GTF3C3: variants seen among roughly 807,000 people sequenced by gnomAD.
GTF3C3 encodes general transcription factor IIIC subunit 3, also known as general transcription factor 3C polypeptide 3.
Under a neutral mutation model 105.2 loss-of-function variants are expected in GTF3C3, and 75 were observed. The ratio of observed to expected loss-of-function variants is 0.71; its 90% confidence interval spans 0.59 to 0.86. The LOEUF is 0.86. Among genes scored for constraint, GTF3C3 ranks in the 40% least tolerant of loss-of-function variants. GTF3C3 has a pLI of 0.00. For missense variants in GTF3C3, 856 were observed against 1,076.5 expected, an observed-to-expected ratio of 0.80 and a Z score of 2.87; for synonymous variants, 335 against 370.4, an observed-to-expected ratio of 0.90 and a Z score of 1.10.
rs1488393777 is a variant in GTF3C3, at chr2:196,775,138, C to T, written c.1809G>A (p.Glu603=). The T allele has an allele frequency of 1.2e-6, 2 of 1,612,874 alleles. No homozygotes were observed. The highest frequency in any genetic ancestry group is 1.1e-5 in the South Asian group (1 of 90,976). ...RDKISDSNDQ[E]SANCDAKAIF... ...TACCTTTTGCATCACAATTTGCTGA[C>T]TCTTGGTCATTGCTGTCTGATATTT... The change falls in exon 13 of 18, where the codon GAG becomes GAA. Residue 603 remains glutamate (E), a synonymous_variant. Transcript: ENST00000263956.
Position 196,764,407 on chromosome 2 carries a change from C to T in GTF3C3, c.*156G>A. 1 of 663,242 alleles carries T rather than the reference C, an allele frequency of 1.5e-6. No individual in the cohort carries two copies. Among genetic ancestry groups the T allele is most frequent in the Non-Finnish European group, 2.3e-6 (1 of 427,856 alleles). The allele number at this position is 663,242 out of a possible 1,614,324, so 41.1% of individuals were successfully genotyped here. On this transcript the variant is annotated 3_prime_UTR_variant, in exon 18 of 18. Coordinates refer to ENST00000263956, the MANE Select transcript of GTF3C3 (RefSeq NM_012086.5). ...TAGGAATAATTTTGCATATATACCA[C>T]AAGATCATTATCACATATTAAAAAT...
Position 196,776,321 on chromosome 2 carries a change from C to G in GTF3C3, c.1593+106G>C. 1 of 965,586 alleles carries G rather than the reference C, an allele frequency of 1.0e-6. No homozygotes were observed. Among genetic ancestry groups the G allele is most frequent in the Non-Finnish European group, 1.6e-6 (1 of 641,442 alleles). The allele number at this position is 965,586 out of a possible 1,614,324, so 59.8% of individuals were successfully genotyped here. A position where few individuals can be genotyped will look rare whatever the true frequency, so the allele number is the denominator to read the frequency against. ...ATCATTTTTCAAAAACTTGAATACA[C>G]TAAAATAAAATTTTGGATATAAGCT... On this transcript the variant is annotated intron_variant, in intron 11 of 17. Transcript: ENST00000263956. This position sits in a 1 kb window ranked among gnomAD's most constrained non-coding sequence, Gnocchi z 4.5.
In GTF3C3 at chr2:196,764,633, G is replaced by T; in HGVS notation, c.2591C>A (p.Ser864Tyr). 6.2e-7 allele frequency: 1 copy of T among 1,612,434 alleles called. No homozygotes were observed. The highest frequency in any genetic ancestry group is 8.5e-7 in the Non-Finnish European group (1 of 1,178,522). ...ATTCCCACTGCTCTGATAGATGAGA[G>T]ACAAGTTGTAGGCAATATCTCTTCG... is the stretch of plus-strand genomic sequence containing the variant. ...DLRRDIAYNL[S>Y]LIYQSSGNTG... The change falls in exon 18 of 18, where the codon TCT becomes TAT. Residue 864 changes from serine to tyrosine, a missense_variant. By Grantham distance (144) the Ser-to-Tyr change is moderately radical. Around this residue, in one of 3 missense-constraint regions of GTF3C3, gnomAD observed 134 missense variants for 128.9 expected, o/e 1.04. Transcript: ENST00000263956.
At position 196,769,872 on chromosome 2, in the gene GTF3C3, T is replaced by G. The variant is rs752837342; in HGVS notation, c.2385+43A>C. 3.9e-6 allele frequency: 6 copies of G among 1,533,146 alleles called. No individual in the cohort carries two copies. In the South Asian group the frequency reaches 6.9e-5, roughly 18 times the overall value. The allele number at this position is 1,533,146 out of a possible 1,614,324, so 95.0% of individuals were successfully genotyped here. ...AAAAAGTATTAAGTATATTCATTTT[T>G]AAGAAACATAAAATCAAGTAACGAG... On this transcript the variant is annotated intron_variant, in intron 16 of 17. Coordinates refer to ENST00000263956, the MANE Select transcript of GTF3C3 (RefSeq NM_012086.5).
At chr2:196,792,563 CATTTTTTAAAAA>C (rs991361134) in intron 3 of GTF3C3, among the ~76,000 whole-genome samples, 13 of 152,168 alleles carry the variant, frequency 8.5e-5, no homozygotes, top group Non-Finnish European at 1.5e-4. Flanking sequence ...ACCTTTCTAG[CATTTTTTAAAAA>C]ATAAATGGCC....
chr2:196,784,903 C>T lies in GTF3C3; in HGVS notation c.1068G>A (p.Val356=), dbSNP rs1438612219. Reference sequence around the variant, plus strand: ...CTTCTTCTGAAGTTTTTTTTTCCAGCACAATTCCAGAAAAATCTGTAATTA... The same window carrying T: ...CTTCTTCTGAAGTTTTTTTTTCCAGTACAATTCCAGAAAAATCTGTAATTA... ...LEIITDFSGI[V]LEKKTSEEGT... is the part of the protein sequence containing the mutation. Residue 356 remains valine (V), a synonymous_variant, in exon 8 of 18, where the codon GTG becomes GTA. Transcript: ENST00000263956. 6.2e-7 allele frequency: 1 copy of T among 1,608,172 alleles called. No individual in the cohort carries two copies. The highest frequency in any genetic ancestry group is 8.5e-7 in the Non-Finnish European group (1 of 1,176,210).
Position 196,764,553 on chromosome 2 carries a change from T to C in GTF3C3, c.*10A>G, listed in dbSNP as rs764257822. On this transcript the variant is annotated 3_prime_UTR_variant, in exon 18 of 18. Transcript: ENST00000263956. ...GCAGCTGCCATTGCTCTGTTCTCAG[T>C]TGCGGTGCTTTATATAGAACAATAG... 17 of 1,612,412 alleles carry C rather than the reference T, an allele frequency of 1.1e-5. No individual in the cohort carries two copies. The highest frequency in any genetic ancestry group is 1.4e-5 in the Non-Finnish European group (16 of 1,178,916).
chr2:196,765,614 AATAC>A lies in GTF3C3; in HGVS notation c.2539-933_2539-930del, dbSNP rs199787941. Among the ~76,000 whole-genome samples the A allele has an allele frequency of 8.2e-3, 1,228 of 150,220 alleles. 10 individuals are homozygous for A. The highest frequency in any genetic ancestry group is 0.028 in the African/African-American group (1,151 of 41,182). On this transcript the variant is annotated intron_variant, in intron 17 of 17. Transcript: ENST00000263956. ...ATGCATATATAAATAATATGTATGA[AATAC>A]ATATATAAATATGTATAAAATATTC...
At chr2:196,777,027 A>C (rs1239758968) in intron 10 of GTF3C3, among the ~76,000 whole-genome samples, 1 of 152,242 alleles carries the variant, frequency 6.6e-6, no homozygotes, top group Admixed American at 6.5e-5. Flanking sequence ...CAGAGCACAC[A>C]ATCGGCAGAC....
At chr2:196,781,898 G>T (rs1050389022) in intron 8 of GTF3C3, among the ~76,000 whole-genome samples, 2 of 152,200 alleles carry the variant, frequency 1.3e-5, no homozygotes, top group Non-Finnish European at 2.9e-5. Context: ...TCTGTAGACA[G>T]TAGCTAAAGT....
At chr2:196,796,937 T>C (rs1699657255) in intron 2 of GTF3C3, among the ~76,000 whole-genome samples, 1 of 152,210 alleles carries the variant, frequency 6.6e-6, no homozygotes, top group Admixed American at 6.5e-5. Context: ...CTTTGCCCTT[T>C]TTTCCTCACT....
intron 15 of GTF3C3, among the ~76,000 whole-genome samples, chr2:196,771,482 AATT>A (rs1374832912): frequency 6.6e-6 from 1 of 152,210 alleles, no homozygotes; most frequent in Non-Finnish European, 1.5e-5. Flanking sequence ...TAATATTAGT[AATT>A]ATCATTTTTG....
At position 196,785,551 on chromosome 2, in the gene GTF3C3, T is replaced by G; in HGVS notation, c.931A>C (p.Asn311His). The G allele has an allele frequency of 6.2e-7, 1 of 1,609,410 alleles. No individual in the cohort carries two copies. Among genetic ancestry groups the G allele is most frequent in the Non-Finnish European group, 8.5e-7 (1 of 1,176,306 alleles). ...YEANDVTSAI[N>H]IIDEAFSKHQ... ...TTTGAGAAAGCTTCATCAATTATGTTAATAGCAGAAGTAACATCATTGGCT... is the reference window on the plus strand; with the variant it reads ...TTTGAGAAAGCTTCATCAATTATGTGAATAGCAGAAGTAACATCATTGGCT... The change falls in exon 7 of 18, where the codon AAC becomes CAC. Residue 311 changes from asparagine to histidine, a missense_variant. Around this residue, in one of 3 missense-constraint regions of GTF3C3, gnomAD observed 605 missense variants for 833.6 expected, o/e 0.73. Transcript: ENST00000263956.
intron 17 of GTF3C3, among the ~76,000 whole-genome samples, chr2:196,765,041 TAA>T (rs1490379919): frequency 3.3e-5 from 5 of 152,098 alleles, no homozygotes; most frequent in African/African-American, 1.2e-4. Context: ...GTAGCAACTA[TAA>T]AGGGAAAGAT....
intron 15 of GTF3C3, among the ~76,000 whole-genome samples, chr2:196,771,355 G>A (rs1699171806): frequency 6.6e-6 from 1 of 150,828 alleles, no homozygotes; most frequent in African/African-American, 2.4e-5. Context: ...CATAATTAAT[G>A]AAAATCATTT....
At chr2:196,789,412 G>A (rs1481130741) in intron 5 of GTF3C3, 43 bp from the exon 6 acceptor site, 5 of 1,388,552 alleles carry the variant, frequency 3.6e-6, no homozygotes, top group Admixed American at 2.1e-5. Context: ...AAAAAGGGGT[G>A]CATGGTACCT....
chr2:196,769,507 A>G (rs1457408401), intron 16 of GTF3C3, among the ~76,000 whole-genome samples: 2 of 152,204 alleles, frequency 1.3e-5, no homozygotes, highest in Non-Finnish European at 2.9e-5. Context: ...CACAAAGAAA[A>G]TTTTAAAAGG....
intron 15 of GTF3C3, 69 bp from the exon 16 acceptor site, chr2:196,770,108 AG>A: frequency 7.5e-7 from 1 of 1,337,508 alleles, no homozygotes; most frequent in East Asian, 2.7e-5. Flanking sequence ...AACACTTTTA[AG>A]GCCAAACATT....
intron 2 of GTF3C3, among the ~76,000 whole-genome samples, chr2:196,796,108 TA>T (rs771676647): frequency 9.6e-4 from 147 of 152,354 alleles, no homozygotes; most frequent in Non-Finnish European, 1.9e-3. Context: ...ATATTTCAAT[TA>T]GCTGACTGCC....
Sources: allele counts gnomAD v4.1 joint callset (sites outside exome capture counted in the v4.1 genomes callset), GRCh38; gene constraint gnomAD v4.1.1; regional missense constraint gnomAD v4.1.1; non-coding constraint Gnocchi (gnomAD v3.1); transcripts MANE v1.5; gene names NCBI Gene and HGNC (gene_info 2026-07-23, HGNC 2026-07-21).